The following PTPRQ variants were observed in gnomAD, a reference collection of about 807,000 sequenced individuals.
PTPRQ encodes the protein phosphatidylinositol phosphatase PTPRQ.
In PTPRQ, 199 loss-of-function variants were observed where a neutral mutation model predicts 246.0. The observed-to-expected ratio is 0.81, with a 90% CI of 0.72 to 0.91. The LOEUF (loss-of-function observed/expected upper bound fraction) is 0.91, where lower values mean the gene tolerates loss of function less well. PTPRQ is among the 40% of genes least tolerant of loss of function. PTPRQ has a pLI of 0.00. For missense variants in PTPRQ, 2,624 were observed against 2,528.4 expected (o/e 1.04, Z -0.81); for synonymous variants, 869 against 853.2 (o/e 1.02, Z -0.32).
At chr12:80,497,788 T>G (rs1057320632) in intron 14 of PTPRQ, among the ~76,000 whole-genome samples, 1 of 152,108 alleles carries the variant, frequency 6.6e-6, no homozygotes, top group African/African-American at 2.4e-5. Context: ...ATTGTACGTT[T>G]AAAACAATAA....
intron 9 of PTPRQ, among the ~76,000 whole-genome samples, chr12:80,491,789 A>C (rs1421313109): frequency 6.6e-6 from 1 of 151,906 alleles, no homozygotes; most frequent in African/African-American, 2.4e-5. Flanking sequence ...TTTTTTGGAA[A>C]GTATTAAGTG....
intron 25 of PTPRQ, among the ~76,000 whole-genome samples, chr12:80,572,975 A>AT (rs1897186668): frequency 1.3e-5 from 2 of 152,060 alleles, no homozygotes; most frequent in Admixed American, 1.3e-4. Context: ...TTATTATAAC[A>AT]TTTTTTCTCA....
At chr12:80,477,878 T>C (rs1893873406) in intron 8 of PTPRQ, among the ~76,000 whole-genome samples, 1 of 152,182 alleles carries the variant, frequency 6.6e-6, no homozygotes, top group Non-Finnish European at 1.5e-5. Flanking sequence ...CGGAGGGTCC[T>C]ACGCCCACGG....
intron 28 of PTPRQ, among the ~76,000 whole-genome samples, chr12:80,612,024 C>A (rs929586038): frequency 4.7e-5 from 7 of 150,368 alleles, no homozygotes; most frequent in African/African-American, 1.7e-4. Context: ...AATATCTGAA[C>A]TGTTGACAGC....
rs143044224 is a variant in PTPRQ, at chr12:80,546,484, C to T, written c.3874-72C>T. On this transcript the variant is annotated intron_variant, in intron 23 of 44. Transcript: ENST00000644991. ...AGGTTAAATATAAAAGGAATAACTT[C>T]AATGAAAATATTCCATTGATGAACA... 4,895 of 1,390,150 alleles carry T rather than the reference C, an allele frequency of 3.5e-3. 79 individuals carry two copies. The South Asian group carries it at 0.039, about 11-fold the overall frequency. 86.1% of individuals were successfully genotyped at this position (1,390,150 alleles called of 1,614,324 possible).
In PTPRQ at chr12:80,468,929, CTT is replaced by C; in HGVS notation, c.1039+95_1039+96del. On this transcript the variant is annotated intron_variant, in intron 7 of 44. Transcript: ENST00000644991. ...AAACTCTGTTTAAAAGTATCAGACT[CTT>C]TTTAAAAGACTCTAAGATTGAAGCA... The C allele has an allele frequency of 2.1e-6, 3 of 1,462,614 alleles. No homozygotes were observed. The South Asian group carries it at 4.4e-5, about 21-fold the overall frequency. The allele number at this position is 1,462,614 out of a possible 1,614,324, so 90.6% of individuals were successfully genotyped here. A position where few individuals can be genotyped will look rare whatever the true frequency, so the allele number is the denominator to read the frequency against.
At position 80,520,142 on chromosome 12, in the gene PTPRQ, A is replaced by G. The variant is rs571177592; in HGVS notation, c.2678+9699A>G. Among the ~76,000 whole-genome samples the G allele has an allele frequency of 4.0e-5, 6 of 151,804 alleles. No homozygotes were observed. In the East Asian group the frequency reaches 1.2e-3, roughly 30 times the overall value. ...CTGTTCTCTCAGCCTCGTGGTCTCT[A>G]TTTCATATGGTTTGGTTGTGTCCCC... On this transcript the variant is annotated intron_variant, in intron 17 of 44. Coordinates refer to ENST00000644991, the MANE Select transcript of PTPRQ (RefSeq NM_001145026.2).
chr12:80,677,724 T>C (rs958408096), intron 43 of PTPRQ, among the ~76,000 whole-genome samples: 1 of 152,070 alleles, frequency 6.6e-6, no homozygotes, highest in African/African-American at 2.4e-5. Flanking sequence ...TTCCAAAAGG[T>C]TTTGAGGTAC....
chr12:80,546,492 A>G (rs866290869), intron 23 of PTPRQ, 64 bp from the exon 24 acceptor site: 2 of 1,417,612 alleles, frequency 1.4e-6, no homozygotes, highest in Non-Finnish European at 9.5e-7. Flanking sequence ...TTCAATGAAA[A>G]TATTCCATTG....
chr12:80,460,906 T>C lies in PTPRQ; in HGVS notation c.910+4T>C, dbSNP rs186525522. 6.2e-5 allele frequency: 25 copies of C among 400,626 alleles called. No individual in the cohort carries two copies. The highest frequency in any genetic ancestry group is 5.1e-4 in the African/African-American group (25 of 48,842). 24.8% of individuals were successfully genotyped at this position (400,626 alleles called of 1,614,324 possible). Reference sequence around the variant, plus strand: ...ATTGTCAGAACACCAGAATCAGGTATGGTTCACTTTTTGTAGATAAAAAGA... The same window carrying C: ...ATTGTCAGAACACCAGAATCAGGTACGGTTCACTTTTTGTAGATAAAAAGA... On this transcript the variant is annotated splice_donor_region_variant and intron_variant, in intron 6 of 44. Coordinates refer to ENST00000644991, the MANE Select transcript of PTPRQ (RefSeq NM_001145026.2).
intron 37 of PTPRQ, among the ~76,000 whole-genome samples, chr12:80,652,140 G>A (rs1490291843): frequency 6.6e-6 from 1 of 151,972 alleles, no homozygotes; most frequent in Admixed American, 6.6e-5. Flanking sequence ...TGCTTGCTTT[G>A]CCAAGAGCAA....
chr12:80,472,188 G>A lies in PTPRQ; in HGVS notation c.1123G>A (p.Ala375Thr). Reference sequence around the variant, plus strand: ...ATTTACAATGTATGATGTCTATATTGCGGCTGAAACCAGTGCAGGGACTGG... The same window carrying A: ...ATTTACAATGTATGATGTCTATATTACGGCTGAAACCAGTGCAGGGACTGG... ...TPFTMYDVYI[A>T]AETSAGTGPK... The change falls in exon 8 of 45, where the codon GCG (alanine) becomes ACG (threonine). Residue 375 changes from alanine to threonine, a missense_variant. Physicochemically the swap from Ala to Thr is moderately conservative, Grantham distance 58. Coordinates refer to ENST00000644991, the MANE Select transcript of PTPRQ (RefSeq NM_001145026.2). The A allele has an allele frequency of 6.4e-7, 1 of 1,551,498 alleles. No individual in the cohort carries two copies. The highest frequency in any genetic ancestry group is 2.4e-5 in the East Asian group (1 of 40,898).
intron 9 of PTPRQ, among the ~76,000 whole-genome samples, chr12:80,491,656 C>A (rs1023101918): frequency 1.3e-5 from 2 of 151,918 alleles, no homozygotes; most frequent in African/African-American, 4.8e-5. Context: ...TTTTTTGACT[C>A]ATTTCTCCAT....
intron 25 of PTPRQ, among the ~76,000 whole-genome samples, chr12:80,567,711 T>A (rs1398593946): frequency 2.0e-5 from 3 of 152,234 alleles, no homozygotes; most frequent in Non-Finnish European, 2.9e-5. Context: ...GATGGACATA[T>A]GGATTGTTTC....
intron 14 of PTPRQ, among the ~76,000 whole-genome samples, chr12:80,504,193 A>G (rs1297037526): frequency 5.9e-5 from 9 of 151,650 alleles, no homozygotes; most frequent in Non-Finnish European, 1.3e-4. Context: ...TATATTTTCC[A>G]TAACTGTCTT....
rs186847417 is a variant in PTPRQ, at chr12:80,546,222, G to A, written c.3874-334G>A. ...TAATCCCAGCTACTTGGGAGGCTGA[G>A]GCAGGGAGAATGGCTTGAACCTGGG... On this transcript the variant is annotated intron_variant, in intron 23 of 44. Coordinates refer to ENST00000644991, the MANE Select transcript of PTPRQ (RefSeq NM_001145026.2). 4.2e-3 allele frequency among the ~76,000 whole-genome samples: 641 copies of A among 152,042 alleles called. 4 individuals are homozygous for A. The highest frequency in any genetic ancestry group is 4.5e-3 in the Non-Finnish European group (305 of 67,986).
At chr12:80,608,216 A>G (rs751167305) in intron 27 of PTPRQ, among the ~76,000 whole-genome samples, 6 of 150,806 alleles carry the variant, frequency 4.0e-5, no homozygotes, top group Middle Eastern at 3.4e-3. Flanking sequence ...ATATAAAGTA[A>G]CACTTCAAAA....
intron 17 of PTPRQ, among the ~76,000 whole-genome samples, chr12:80,513,656 C>T (rs1895191470): frequency 6.6e-6 from 1 of 152,124 alleles, no homozygotes; most frequent in Middle Eastern, 3.2e-3. Flanking sequence ...CCGCCCTTCT[C>T]TACCCCGCAC....
At chr12:80,651,191 G>A (rs897484296) in intron 37 of PTPRQ, among the ~76,000 whole-genome samples, 5 of 151,904 alleles carry the variant, frequency 3.3e-5, no homozygotes, top group Non-Finnish European at 5.9e-5. Flanking sequence ...TAAAATGATT[G>A]AATATAAGCA....
Sources: gnomAD v4.1 joint callset for allele counts (sites outside exome capture counted in the v4.1 genomes callset) on GRCh38, gnomAD v4.1.1 for gene constraint, MANE v1.5 for transcripts, NCBI Gene and HGNC (gene_info 2026-07-23, HGNC 2026-07-21) for gene names.